LZTFL1: variants seen among roughly 807,000 people sequenced by gnomAD.
The protein encoded by LZTFL1 is leucine zipper transcription factor like 1, also known as leucine zipper transcription factor-like protein 1.
Under a neutral mutation model 45.9 loss-of-function variants are expected in LZTFL1, and 25 were observed. The observed-to-expected ratio is 0.54, with a 90% CI of 0.40 to 0.76. LZTFL1 has a LOEUF of 0.76. Among genes scored for constraint, LZTFL1 ranks in the 30% least tolerant of loss-of-function variants. The pLI, the probability that LZTFL1 is intolerant of heterozygous loss-of-function variation, is 0.00. For missense variants in LZTFL1, 277 were observed against 331.1 expected, an observed-to-expected ratio of 0.84 and a Z score of 1.27; for synonymous variants, 93 against 117.4, an observed-to-expected ratio of 0.79 and a Z score of 1.35.
intron 2 of LZTFL1, among the ~76,000 whole-genome samples, chr3:45,897,933 G>A (rs1337369124): frequency 1.4e-5 from 2 of 147,412 alleles, no homozygotes; most frequent in African/African-American, 2.5e-5. Context: ...CTTCACAGCC[G>A]TGGGCTCAGG....
At chr3:45,876,957 C>T (rs2125721705) in intron 2 of LZTFL1, among the ~76,000 whole-genome samples, 1 of 152,216 alleles carries the variant, frequency 6.6e-6, no homozygotes, top group African/African-American at 2.4e-5. Flanking sequence ...TCTTCAAAGC[C>T]TCCTGGACAC....
At chr3:45,843,157 C>G (rs1423238385), upstream of LZTFL1, among the ~76,000 whole-genome samples, 1 of 152,218 alleles carries the variant, frequency 6.6e-6, no homozygotes, top group African/African-American at 2.4e-5. Flanking sequence ...TGGGCAGGAT[C>G]CCTGTCTTCT....
intron 3 of LZTFL1, chr3:45,834,522 G>A: frequency 2.5e-6 from 1 of 397,822 alleles, no homozygotes; most frequent in Non-Finnish European, 4.6e-6. Flanking sequence ...GTATCTACTA[G>A]GTATGCAATA....
intron 2 of LZTFL1, among the ~76,000 whole-genome samples, chr3:45,868,711 T>G (rs542117881): frequency 1.8e-4 from 27 of 152,308 alleles, no homozygotes; most frequent in African/African-American, 6.3e-4. Flanking sequence ...ATCTACATGA[T>G]AGAAAATCAT....
At chr3:45,857,452 A>C (rs543063369) in intron 3 of LZTFL1, among the ~76,000 whole-genome samples, 1 of 152,344 alleles carries the variant, frequency 6.6e-6, no homozygotes, top group African/African-American at 2.4e-5. Context: ...TGATAAGTGC[A>C]GCAAACCACC....
At chr3:45,843,245 A>G (rs943202083), upstream of LZTFL1, among the ~76,000 whole-genome samples, 1 of 152,144 alleles carries the variant, frequency 6.6e-6, no homozygotes, top group Non-Finnish European at 1.5e-5. Flanking sequence ...CCCCTTTACC[A>G]TCCCACCTCC....
chr3:45,848,867 A>T (rs538834406), intron 4 of LZTFL1, among the ~76,000 whole-genome samples: 8 of 152,314 alleles, frequency 5.3e-5, no homozygotes, highest in African/African-American at 1.9e-4. Context: ...TAAAATCCGA[A>T]TTTTTTGATA....
At chr3:45,894,048 T>C (rs1702272292) in intron 2 of LZTFL1, among the ~76,000 whole-genome samples, 1 of 152,158 alleles carries the variant, frequency 6.6e-6, no homozygotes, top group Non-Finnish European at 1.5e-5. Flanking sequence ...TTCCTTGAAA[T>C]GTACTCGCTA....
intron 2 of LZTFL1, among the ~76,000 whole-genome samples, chr3:45,887,823 G>A (rs938685276): frequency 2.6e-5 from 4 of 152,234 alleles, no homozygotes; most frequent in African/African-American, 9.6e-5. Context: ...CATGGTGAGT[G>A]GATGGATCTG....
intron 2 of LZTFL1, among the ~76,000 whole-genome samples, chr3:45,836,701 T>G (rs964998017): frequency 1.3e-5 from 2 of 152,152 alleles, no homozygotes; most frequent in African/African-American, 4.8e-5. Context: ...AGAGAATGCT[T>G]GGGTTGGAAG....
intron 2 of LZTFL1, among the ~76,000 whole-genome samples, chr3:45,872,813 AG>A (rs1701690549): frequency 6.6e-6 from 1 of 152,206 alleles, no homozygotes; most frequent in Non-Finnish European, 1.5e-5. Context: ...CCAGATAATC[AG>A]AGGAATTGAG....
intron 2 of LZTFL1, among the ~76,000 whole-genome samples, chr3:45,873,112 T>C (rs1243897547): frequency 6.6e-6 from 1 of 152,224 alleles, no homozygotes; most frequent in African/African-American, 2.4e-5. Context: ...AACCTGTTCC[T>C]TGTTCTAATT....
At chr3:45,858,076 A>C (rs1009321302) in intron 3 of LZTFL1, among the ~76,000 whole-genome samples, 1 of 152,218 alleles carries the variant, frequency 6.6e-6, no homozygotes, top group Non-Finnish European at 1.5e-5. Flanking sequence ...AATTTTTAAA[A>C]AGTATTTCCA....
At position 45,901,509 on chromosome 3, in the gene LZTFL1, C is replaced by T; in HGVS notation, c.-215+11611G>A. ...CTGCTATACCATCATCATTCACACC[C>T]TGATACAAGCCAAGAAGTCTTCCAA... is the stretch of plus-strand genomic sequence containing the variant. On this transcript the variant is annotated intron_variant, in intron 2 of 4. Transcript: ENST00000472635. The surrounding 1 kb of genome is among the most constrained non-coding windows in gnomAD (Gnocchi z 4.3). 1 of 1,614,202 alleles carries T rather than the reference C, an allele frequency of 6.2e-7. No individual in the cohort carries two copies. The highest frequency in any genetic ancestry group is 1.1e-5 in the South Asian group (1 of 91,080).
At chr3:45,884,749 T>G (rs1050165529) in intron 2 of LZTFL1, among the ~76,000 whole-genome samples, 5 of 152,222 alleles carry the variant, frequency 3.3e-5, no homozygotes, top group African/African-American at 1.2e-4. Flanking sequence ...GTGTCTCACC[T>G]CGCTGCAAGC....
Position 45,842,063 on chromosome 3 carries a change from C to A in LZTFL1, c.-72G>T. On this transcript the variant is annotated 5_prime_UTR_variant, in exon 1 of 10. Transcript: ENST00000296135. ...GGTGCCCCGCCAAGCCTGGGATCGC[C>A]GAGGGTAGTTGGACCACAGAAAATG... The A allele has an allele frequency of 6.3e-7, 1 of 1,597,216 alleles. No homozygotes were observed. Among genetic ancestry groups the A allele is most frequent in the Non-Finnish European group, 8.5e-7 (1 of 1,173,926 alleles).
Position 45,842,048 on chromosome 3 carries a change from C to T in LZTFL1, c.-57G>A, listed in dbSNP as rs779798137. 35 of 1,603,600 alleles carry T rather than the reference C, an allele frequency of 2.2e-5. No individual in the cohort carries two copies. The highest frequency in any genetic ancestry group is 2.9e-5 in the Non-Finnish European group (34 of 1,176,638). On this transcript the variant is annotated 5_prime_UTR_variant, in exon 1 of 10. Transcript: ENST00000296135. Reference sequence around the variant, plus strand: ...CGGGAGAGGCCAGGCGGTGCCCCGCCAAGCCTGGGATCGCCGAGGGTAGTT... The same window carrying T: ...CGGGAGAGGCCAGGCGGTGCCCCGCTAAGCCTGGGATCGCCGAGGGTAGTT...
chr3:45,834,668 G>A (rs1171136558), intron 3 of LZTFL1: 1 of 157,842 alleles, frequency 6.3e-6, no homozygotes, highest in African/African-American at 2.4e-5. Flanking sequence ...GTTCAAAAAA[G>A]ATTCTTAATA....
chr3:45,835,205 T>C (rs1418393342), intron 3 of LZTFL1: 5 of 160,162 alleles, frequency 3.1e-5, no homozygotes, highest in South Asian at 2.0e-4. Context: ...GCTACTGGAT[T>C]GAATTGATGG....
Sources: allele counts gnomAD v4.1 joint callset (sites outside exome capture counted in the v4.1 genomes callset), GRCh38; gene constraint gnomAD v4.1.1; non-coding constraint Gnocchi (gnomAD v3.1); transcripts MANE v1.5; gene names NCBI Gene and HGNC (gene_info 2026-07-23, HGNC 2026-07-21).